CEP70: variants seen among roughly 807,000 people sequenced by gnomAD.
CEP70 encodes the protein centrosomal protein 70, also known as centrosomal protein of 70 kDa.
Under a neutral mutation model 90.9 loss-of-function variants are expected in CEP70, and 70 were observed. That is an observed-to-expected ratio of 0.77 (90% CI 0.64 to 0.94). CEP70 has a LOEUF of 0.94. Ranked by LOEUF, CEP70 falls within the 40% of genes least tolerant of loss-of-function variation. CEP70 has a pLI of 0.00. For missense variants in CEP70, 648 were observed against 669.0 expected (o/e 0.97, Z 0.35); for synonymous variants, 220 against 228.3 (o/e 0.96, Z 0.33).
At position 138,494,922 on chromosome 3, in the gene CEP70, A is replaced by C; in HGVS notation, c.*93T>G. On this transcript the variant is annotated 3_prime_UTR_variant, in exon 18 of 18. Transcript: ENST00000264982. Reference sequence around the variant, plus strand: ...GGGGATGAATTCTGAGAGCAAATACATTTTACAACCCTTGTCTCAAAATAA... The same window carrying C: ...GGGGATGAATTCTGAGAGCAAATACCTTTTACAACCCTTGTCTCAAAATAA... 1 of 720,088 alleles carries C rather than the reference A, an allele frequency of 1.4e-6. No individual in the cohort carries two copies. The highest frequency in any genetic ancestry group is 2.4e-6 in the Non-Finnish European group (1 of 417,304). 44.6% of individuals were successfully genotyped at this position (720,088 alleles called of 1,614,324 possible).
In CEP70 at chr3:138,500,221, C is replaced by A. The variant is rs1354860948; in HGVS notation, c.1541G>T (p.Ser514Ile). The stretch of plus-strand genomic sequence containing the variant: ...TACTAGCACACACAATGAGGATGAA[C>A]TATCTGCAAAAGAGAAATAAAAGGA... ...RNLQELLELD[S>I]SSSLCVLVST... The change falls in exon 16 of 18, where the codon AGT (serine) becomes ATT (isoleucine). Residue 514 changes from serine to isoleucine, a missense_variant. Transcript: ENST00000264982. 6.2e-7 allele frequency: 1 copy of A among 1,604,178 alleles called. No individual in the cohort carries two copies. The highest frequency in any genetic ancestry group is 1.3e-5 in the African/African-American group (1 of 74,640).
At chr3:138,519,960 T>C (rs1202193444) in intron 11 of CEP70, among the ~76,000 whole-genome samples, 2 of 152,070 alleles carry the variant, frequency 1.3e-5, no homozygotes, top group South Asian at 2.1e-4. Context: ...GAGACACACA[T>C]AGGCTCAAAA....
chr3:138,514,068 A>G (rs978079753), intron 11 of CEP70, among the ~76,000 whole-genome samples: 3 of 151,964 alleles, frequency 2.0e-5, no homozygotes, highest in Admixed American at 6.6e-5. Flanking sequence ...CAAATCCTTT[A>G]CTCTCTTTAA....
At chr3:138,552,274 G>A (rs2039676173) in intron 6 of CEP70, among the ~76,000 whole-genome samples, 1 of 152,124 alleles carries the variant, frequency 6.6e-6, no homozygotes. Flanking sequence ...CATCAAGACA[G>A]AAAATCAACA....
chr3:138,546,895 A>G (rs541550414), intron 6 of CEP70, among the ~76,000 whole-genome samples: 4 of 152,274 alleles, frequency 2.6e-5, no homozygotes, highest in African/African-American at 9.6e-5. Context: ...CAGGACACTC[A>G]TGTCTAAGCA....
chr3:138,512,045 A>C (rs1399899686), intron 11 of CEP70, among the ~76,000 whole-genome samples: 1 of 152,238 alleles, frequency 6.6e-6, no homozygotes, highest in African/African-American at 2.4e-5. Flanking sequence ...GGACAGATCA[A>C]GCATGTCTGG....
At chr3:138,567,322 A>G (rs1202905780) in intron 6 of CEP70, among the ~76,000 whole-genome samples, 4 of 152,216 alleles carry the variant, frequency 2.6e-5, no homozygotes, top group Admixed American at 6.5e-5. Flanking sequence ...TGTGTCTTAA[A>G]CTATGAAATA....
At chr3:138,590,770 C>T (rs2042344270) in intron 2 of CEP70, among the ~76,000 whole-genome samples, 1 of 151,826 alleles carries the variant, frequency 6.6e-6, no homozygotes, top group South Asian at 2.1e-4. Context: ...GAGATCGTGC[C>T]ACTGCACTCC....
intron 2 of CEP70, among the ~76,000 whole-genome samples, chr3:138,589,600 G>A (rs1382600404): frequency 6.6e-6 from 1 of 152,112 alleles, no homozygotes; most frequent in Non-Finnish European, 1.5e-5. Context: ...GGAGGCTGCA[G>A]TGAGCCAAGA....
At chr3:138,588,730 G>T (rs2042230619) in intron 2 of CEP70, among the ~76,000 whole-genome samples, 3 of 152,148 alleles carry the variant, frequency 2.0e-5, no homozygotes, top group African/African-American at 7.2e-5. Flanking sequence ...GCCATTCCTA[G>T]AATTTACCCA....
chr3:138,528,664 C>T (rs1456323910), intron 10 of CEP70, among the ~76,000 whole-genome samples: 2 of 152,170 alleles, frequency 1.3e-5, no homozygotes, highest in East Asian at 1.9e-4. Flanking sequence ...GCCTAGGCAA[C>T]ACAAGGAGAC....
At chr3:138,500,930 A>C in intron 13 of CEP70, 49 bp from the exon 14 acceptor site, 1 of 900,978 alleles carries the variant, frequency 1.1e-6, no homozygotes. Flanking sequence ...AATAATTTCT[A>C]TAGTAACATA....
At chr3:138,496,485 G>A (rs1560264842) in intron 17 of CEP70, 1 of 985,220 alleles carries the variant, frequency 1.0e-6, no homozygotes, top group Non-Finnish European at 1.2e-6. Flanking sequence ...TCCGCCCCCT[G>A]CCCATTCTGA....
At chr3:138,580,301 A>G (rs987129852) in intron 2 of CEP70, among the ~76,000 whole-genome samples, 4 of 152,128 alleles carry the variant, frequency 2.6e-5, no homozygotes, top group Admixed American at 6.5e-5. Context: ...CCCTCCCCCA[A>G]TTCCAGGCAG....
chr3:138,542,643 G>C (rs906583192), intron 6 of CEP70, among the ~76,000 whole-genome samples: 12 of 152,208 alleles, frequency 7.9e-5, no homozygotes, highest in African/African-American at 2.9e-4. Flanking sequence ...CTCTGGCTCA[G>C]AAATCCTGAG....
intron 6 of CEP70, among the ~76,000 whole-genome samples, chr3:138,556,170 T>G (rs2039989116): frequency 6.6e-6 from 1 of 152,074 alleles, no homozygotes; most frequent in Non-Finnish European, 1.5e-5. Flanking sequence ...AACTCAGGAA[T>G]GGAAAACTGA....
At chr3:138,537,408 C>G in intron 6 of CEP70, 61 bp from the exon 7 acceptor site, 1 of 1,162,352 alleles carries the variant, frequency 8.6e-7, no homozygotes, top group Non-Finnish European at 1.2e-6. Context: ...GCTATCCTAA[C>G]AGTATTGTAC....
chr3:138,520,762 C>A (rs141536863), intron 11 of CEP70, among the ~76,000 whole-genome samples: 103 of 152,274 alleles, frequency 6.8e-4, no homozygotes, highest in African/African-American at 2.4e-3. Flanking sequence ...CTTAACATCA[C>A]AATTAAAAGA....
At chr3:138,512,085 C>T (rs2035588250) in intron 11 of CEP70, among the ~76,000 whole-genome samples, 1 of 152,158 alleles carries the variant, frequency 6.6e-6, no homozygotes, top group African/African-American at 2.4e-5. Context: ...TAAAAATGCA[C>T]AGACAACAAA....
Sources: gnomAD v4.1 joint callset for allele counts (sites outside exome capture counted in the v4.1 genomes callset) on GRCh38, gnomAD v4.1.1 for gene constraint, MANE v1.5 for transcripts, NCBI Gene and HGNC (gene_info 2026-07-23, HGNC 2026-07-21) for gene names.